The following MTFMT variants were observed in gnomAD, a reference collection of about 807,000 sequenced individuals.
The protein encoded by MTFMT is mitochondrial methionyl-tRNA formyltransferase.
In MTFMT, 47 loss-of-function variants were observed where a neutral mutation model predicts 51.8. The observed-to-expected ratio is 0.91, with a 90% CI of 0.72 to 1.16. MTFMT has a LOEUF of 1.16. MTFMT is among the 50% of genes most tolerant of loss of function. The probability of loss-of-function intolerance (pLI) is 0.00; values close to 1 mark genes in which losing one functional copy is unlikely to be tolerated. For synonymous variants in MTFMT, 196 were observed against 176.7 expected (o/e 1.11, Z -0.87); for missense variants, 512 against 482.3 (o/e 1.06, Z -0.58).
At position 65,002,311 on chromosome 15, in the gene MTFMT, G is replaced by A. The variant is rs963518611; in HGVS notation, c.*751C>T. 6.6e-6 allele frequency: 1 copy of A among 152,084 alleles called. No individual in the cohort carries two copies. The highest frequency in any genetic ancestry group is 6.5e-5 in the Admixed American group (1 of 15,270). The allele number at this position is 152,084 out of a possible 1,614,324, so 9.4% of individuals were successfully genotyped here. A position where few individuals can be genotyped will look rare whatever the true frequency, so the allele number is the denominator to read the frequency against. On this transcript the variant is annotated 3_prime_UTR_variant, in exon 9 of 9. Coordinates refer to ENST00000220058, the MANE Select transcript of MTFMT (RefSeq NM_139242.4). ...CCAGCTACTTGGGAGGCTGAGGCAG[G>A]AGAATGGTGTGAACCCGGGAGGTGG...
chr15:65,013,047 T>C (rs933876398), intron 6 of MTFMT, among the ~76,000 whole-genome samples: 5 of 152,286 alleles, frequency 3.3e-5, no homozygotes, highest in African/African-American at 7.2e-5. Flanking sequence ...ATAGTTTTTT[T>C]TGGAACTTCT....
chr15:65,013,930 G>A (rs1312534214), intron 6 of MTFMT, among the ~76,000 whole-genome samples: 1 of 148,360 alleles, frequency 6.7e-6, no homozygotes, highest in African/African-American at 2.5e-5. Flanking sequence ...GCGACAGGGC[G>A]AGACACCATC....
chr15:65,002,571 G>GT lies in MTFMT; in HGVS notation c.*490dup, dbSNP rs1480743379. The stretch of plus-strand genomic sequence containing the variant: ...TTGTAATTCAAGTAAAAAAAAAGCT[G>GT]TTTTTTAACTACTGTTACATAAAAA... On this transcript the variant is annotated 3_prime_UTR_variant, in exon 9 of 9. Coordinates refer to ENST00000220058, the MANE Select transcript of MTFMT (RefSeq NM_139242.4). 6.6e-6 allele frequency: 1 copy of GT among 152,032 alleles called. No homozygotes were observed. The highest frequency in any genetic ancestry group is 2.4e-5 in the African/African-American group (1 of 41,380). The allele number at this position is 152,032 out of a possible 1,614,324, so 9.4% of individuals were successfully genotyped here.
rs1379182276 is a variant in MTFMT, at chr15:65,016,447, TG to T, written c.801del (p.Ile268LeufsTer4). 1 of 1,605,534 alleles carries T rather than the reference TG, an allele frequency of 6.2e-7. No homozygotes were observed. The highest frequency in any genetic ancestry group is 8.5e-7 in the Non-Finnish European group (1 of 1,174,352). ...ACTTCCCAACTTACTATATTTCCAA[TG>T]GCACGGTAAAGTCTGAATATTTGTT... ...TSEQIFRLYRAIGNIIPLQTL... is the reference protein window; with the variant it reads ...TSEQIFRLYRXIGNIIPLQTL... On this transcript the variant is annotated frameshift_variant, in exon 6 of 9. Transcript: ENST00000220058. LOFTEE classifies it high-confidence loss of function.
At chr15:65,008,744 A>G (rs1322715436) in intron 6 of MTFMT, among the ~76,000 whole-genome samples, 4 of 152,250 alleles carry the variant, frequency 2.6e-5, no homozygotes, top group African/African-American at 9.6e-5. Context: ...ATAACTTGCT[A>G]GCTCACTTTT....
At position 65,028,066 on chromosome 15, in the gene MTFMT, C is replaced by T. The variant is rs952555957; in HGVS notation, c.210-1026G>A. Among the ~76,000 whole-genome samples the T allele has an allele frequency of 4.1e-4, 62 of 152,106 alleles. 1 individual carries two copies. Among genetic ancestry groups the T allele is most frequent in the Admixed American group, 3.7e-3 (57 of 15,264 alleles). ...CGTTGAGGAGTTATGAGGAGTATGT[C>T]CTGGGGCACTATAAAGAAAGCACAG... On this transcript the variant is annotated intron_variant, in intron 1 of 8. Transcript: ENST00000220058.
rs918733303 is a variant in MTFMT at position 65,006,129 on chromosome 15, G to C, written c.876C>G (p.Asn292Lys). The change falls in exon 7 of 9, where the codon AAC (asparagine) becomes AAG (lysine). Residue 292 changes from asparagine (N) to lysine (K), a missense_variant. Coordinates refer to ENST00000220058, the MANE Select transcript of MTFMT (RefSeq NM_139242.4). Reference sequence around the variant, plus strand: ...AGTTAGTACCAGCAAGGACTGAACTGTTAACTTCTACCAAATCCAGAAGTT... The same window carrying C: ...AGTTAGTACCAGCAAGGACTGAACTCTTAACTTCTACCAAATCCAGAAGTT... Reference protein sequence around the residue: ...TIKLLDLVEVNSSVLADPKLT... With the variant: ...TIKLLDLVEVKSSVLADPKLT... 3.1e-6 allele frequency: 5 copies of C among 1,612,420 alleles called. No homozygotes were observed. The African/African-American group carries it at 6.7e-5, about 22-fold the overall frequency.
rs895098422 is a variant in MTFMT, at chr15:65,001,815, T to C, written c.*1247A>G. 2.6e-5 allele frequency: 4 copies of C among 151,816 alleles called. No homozygotes were observed. Among genetic ancestry groups the C allele is most frequent in the African/African-American group, 9.7e-5 (4 of 41,324 alleles). 9.4% of individuals were successfully genotyped at this position (151,816 alleles called of 1,614,324 possible). On this transcript the variant is annotated 3_prime_UTR_variant, in exon 9 of 9. Coordinates refer to ENST00000220058, the MANE Select transcript of MTFMT (RefSeq NM_139242.4). ...GAGGTTGAAGATGCAGTAAGCAGTG[T>C]TTCACGCCACTGGACTCCAGACTGT...
At chr15:65,021,789 G>A (rs570446427) in intron 3 of MTFMT, among the ~76,000 whole-genome samples, 173 bp from the exon 4 acceptor site, 1 of 152,230 alleles carries the variant, frequency 6.6e-6, no homozygotes, top group South Asian at 2.1e-4. Flanking sequence ...AGACCAGCCT[G>A]GGCAACACAG....
chr15:65,021,426 T>G, intron 4 of MTFMT, 88 bp downstream of exon 4: 4 of 958,536 alleles, frequency 4.2e-6, no homozygotes, highest in Non-Finnish European at 6.6e-6. Context: ...TTAAGAAAAT[T>G]AGAAGTCACA....
At chr15:65,012,798 G>A (rs556694638) in intron 6 of MTFMT, among the ~76,000 whole-genome samples, 1 of 152,284 alleles carries the variant, frequency 6.6e-6, no homozygotes, top group South Asian at 2.1e-4. Context: ...TGAAAACTAT[G>A]AGTCCTCCAA....
chr15:65,018,653 C>T (rs989259393), intron 5 of MTFMT, among the ~76,000 whole-genome samples: 4 of 152,138 alleles, frequency 2.6e-5, no homozygotes, highest in South Asian at 2.1e-4. Flanking sequence ...GACACATAGG[C>T]GAGCCTGGGA....
At chr15:65,009,639 G>C (rs1020771162) in intron 6 of MTFMT, among the ~76,000 whole-genome samples, 2 of 151,810 alleles carry the variant, frequency 1.3e-5, no homozygotes, top group South Asian at 2.1e-4. Flanking sequence ...AGTCGCAGCA[G>C]CTTCTTTTTA....
intron 1 of MTFMT, among the ~76,000 whole-genome samples, chr15:65,028,155 C>A (rs764895591): frequency 6.6e-6 from 1 of 152,184 alleles, no homozygotes; most frequent in Non-Finnish European, 1.5e-5. Context: ...AATGATGGCT[C>A]AGGCCTGTAA....
intron 5 of MTFMT, among the ~76,000 whole-genome samples, chr15:65,016,850 A>C (rs1318171275): frequency 6.7e-6 from 1 of 149,566 alleles, no homozygotes; most frequent in Non-Finnish European, 1.5e-5. Flanking sequence ...GCGTGATCTC[A>C]GCTCACTGCA....
At chr15:65,026,706 AT>A in intron 2 of MTFMT, 124 bp downstream of exon 2, 1 of 801,830 alleles carries the variant, frequency 1.2e-6, no homozygotes, top group Non-Finnish European at 1.9e-6. Context: ...GAAAAATAAA[AT>A]GGTAAAAATA....
chr15:65,016,634 AACTTTTC>A (rs2086324521), intron 5 of MTFMT, 107 bp from the exon 6 acceptor site: 1 of 575,556 alleles, frequency 1.7e-6, no homozygotes, highest in African/African-American at 1.9e-5. Context: ...CTAACCTCTC[AACTTTTC>A]TTTATGTTCA....
intron 6 of MTFMT, among the ~76,000 whole-genome samples, chr15:65,013,075 C>G (rs1051728428): frequency 2.0e-5 from 3 of 152,034 alleles, no homozygotes; most frequent in Non-Finnish European, 4.4e-5. Flanking sequence ...TTTCTATATG[C>G]TAGATCATAT....
rs372650779 is a variant in MTFMT, at chr15:65,004,924, G to A, written c.905C>T (p.Thr302Met). ...NSSVLADPKL[T>M]GQALIPGSVI... ...TGATCCTGGAATAAGAGCCTGTCCC[G>A]TTAATTTTGGATCTGAAGAATGGAA... The change falls in exon 8 of 9, where the codon ACG (threonine) becomes ATG (methionine). Residue 302 changes from threonine (T) to methionine (M), a missense_variant. Transcript: ENST00000220058. The A allele has an allele frequency of 2.3e-5, 37 of 1,609,752 alleles. No individual in the cohort carries two copies. Among genetic ancestry groups the A allele is most frequent in the African/African-American group, 1.9e-4 (14 of 74,784 alleles).
Sources: gnomAD v4.1 joint callset for allele counts (sites outside exome capture counted in the v4.1 genomes callset) on GRCh38, gnomAD v4.1.1 for gene constraint, MANE v1.5 for transcripts, NCBI Gene and HGNC (gene_info 2026-07-23, HGNC 2026-07-21) for gene names.